Variants in ANO3 observed in about 807,000 individuals in gnomAD.
ANO3 encodes anoctamin 3.
Under a neutral mutation model 144.8 loss-of-function variants are expected in ANO3, and 99 were observed. That is an observed-to-expected ratio of 0.68 (90% CI 0.58 to 0.81). ANO3 has a LOEUF of 0.81. Ranked by LOEUF, ANO3 falls within the 30% of genes least tolerant of loss-of-function variation. The pLI, the probability that ANO3 is intolerant of heterozygous loss-of-function variation, is 0.00. For missense variants in ANO3, 905 were observed against 1,202.2 expected, an observed-to-expected ratio of 0.75 and a Z score of 3.66; for synonymous variants, 414 against 392.6, an observed-to-expected ratio of 1.05 and a Z score of -0.64.
At chr11:26,571,059 A>C (rs1850804970) in intron 14 of ANO3, among the ~76,000 whole-genome samples, 2 of 152,130 alleles carry the variant, frequency 1.3e-5, no homozygotes, top group Admixed American at 1.3e-4. Context: ...TTCTGGCTAA[A>C]AGACTTAGGC....
rs575813317 is a variant in ANO3, at chr11:26,596,017, A to T, written c.1448-2348A>T. ...AAGGCTATGGGTTGTCAGTGGTCTC[A>T]GTGTTTTGGGCTATGCCCTTGTTTA... is the stretch of plus-strand genomic sequence containing the variant. On this transcript the variant is annotated intron_variant, in intron 14 of 26. Coordinates refer to ENST00000256737, the MANE Select transcript of ANO3 (RefSeq NM_031418.4). 1.9e-4 allele frequency among the ~76,000 whole-genome samples: 29 copies of T among 152,286 alleles called. No individual in the cohort carries two copies. In the South Asian group the frequency reaches 6.0e-3, roughly 32 times the overall value.
chr11:26,385,908 T>TATATATATATATACAC (rs1310559300), intron 1 of ANO3, among the ~76,000 whole-genome samples: 3 of 149,372 alleles, frequency 2.0e-5, no homozygotes, highest in African/African-American at 5.0e-5. Flanking sequence ...TATATTTATA[T>TATATATATATATACAC]ACATATTTAC....
chr11:26,340,794 G>T (rs1009295658), intron 1 of ANO3, among the ~76,000 whole-genome samples: 1 of 152,106 alleles, frequency 6.6e-6, no homozygotes, highest in Non-Finnish European at 1.5e-5. Flanking sequence ...TTTTCCTAAC[G>T]CTATCTTCCT....
intron 14 of ANO3, chr11:26,563,393 C>CTGTGTGTGTGTGTG (rs764671965): frequency 1.6e-5 from 13 of 825,658 alleles, no homozygotes; most frequent in South Asian, 6.5e-5. Context: ...GTGTTTCTCT[C>CTGTGTGTGTGTGTG]TCTGTGTGTG....
At chr11:26,425,235 A>T (rs1170855139) in intron 1 of ANO3, among the ~76,000 whole-genome samples, 2 of 152,114 alleles carry the variant, frequency 1.3e-5, no homozygotes, top group Non-Finnish European at 2.9e-5. Flanking sequence ...AAATATTTCT[A>T]TAAAGCAGAA....
At chr11:26,279,949 G>T (rs187904110) in intron 1 of ANO3, among the ~76,000 whole-genome samples, 29 of 152,132 alleles carry the variant, frequency 1.9e-4, no homozygotes, top group African/African-American at 7.0e-4. Context: ...GTAAATCTTT[G>T]GTTCATTTCC....
At chr11:26,564,981 T>C (rs1850508609) in intron 14 of ANO3, among the ~76,000 whole-genome samples, 2 of 151,090 alleles carry the variant, frequency 1.3e-5, no homozygotes, top group South Asian at 4.2e-4. Context: ...ATATGTTCAT[T>C]GAAGCCCTAA....
chr11:26,521,127 T>G (rs1233866262), intron 6 of ANO3, among the ~76,000 whole-genome samples: 1 of 152,160 alleles, frequency 6.6e-6, no homozygotes, highest in Non-Finnish European at 1.5e-5. Context: ...AGGAATGCTA[T>G]TCAAGCATAA....
At chr11:26,532,896 T>G (rs941496276) in intron 8 of ANO3, among the ~76,000 whole-genome samples, 2 of 152,200 alleles carry the variant, frequency 1.3e-5, no homozygotes, top group African/African-American at 2.4e-5. Context: ...TACTTTTTAC[T>G]TATGCATCAG....
intron 1 of ANO3, among the ~76,000 whole-genome samples, chr11:26,416,693 T>C (rs564058341): frequency 3.6e-4 from 55 of 152,044 alleles, no homozygotes; most frequent in African/African-American, 1.3e-3. Flanking sequence ...CCAATAGTTT[T>C]AGTTTTTTCT....
chr11:26,404,386 A>G (rs776218287), intron 1 of ANO3, among the ~76,000 whole-genome samples: 28 of 151,844 alleles, frequency 1.8e-4, no homozygotes, highest in Non-Finnish European at 3.8e-4. Context: ...ACAAAGTCTA[A>G]TCACTTTGGA....
At chr11:26,520,753 C>T (rs1009629084) in intron 6 of ANO3, among the ~76,000 whole-genome samples, 2 of 152,054 alleles carry the variant, frequency 1.3e-5, no homozygotes, top group African/African-American at 4.8e-5. Context: ...ATTTCTGGAA[C>T]CTGCTCCCAG....
At chr11:26,264,151 C>A (rs765903953) in intron 1 of ANO3, among the ~76,000 whole-genome samples, 1 of 152,180 alleles carries the variant, frequency 6.6e-6, no homozygotes, top group Non-Finnish European at 1.5e-5. Context: ...GAAGATTCTG[C>A]AAGTTGTTCA....
At chr11:26,296,558 G>T (rs1854093938) in intron 1 of ANO3, among the ~76,000 whole-genome samples, 1 of 152,122 alleles carries the variant, frequency 6.6e-6, no homozygotes, top group African/African-American at 2.4e-5. Flanking sequence ...TTTACCATGA[G>T]ACTTGAATAT....
intron 1 of ANO3, among the ~76,000 whole-genome samples, chr11:26,338,940 G>A (rs1242464948): frequency 6.6e-6 from 1 of 152,186 alleles, no homozygotes; most frequent in Admixed American, 6.5e-5. Flanking sequence ...CCCACTGGAA[G>A]GAATAAATTC....
At chr11:26,487,184 C>T (rs530908016) in intron 4 of ANO3, among the ~76,000 whole-genome samples, 1 of 152,224 alleles carries the variant, frequency 6.6e-6, no homozygotes, top group African/African-American at 2.4e-5. Context: ...TGGGAGGGAC[C>T]CAAGGGGAGG....
intron 1 of ANO3, among the ~76,000 whole-genome samples, chr11:26,291,414 G>A (rs965086323): frequency 4.6e-5 from 7 of 152,038 alleles, no homozygotes; most frequent in Non-Finnish European, 1.0e-4. Context: ...TTACATTTAA[G>A]GTTAATATTG....
chr11:26,230,079 G>C (rs1320785044), intron 1 of ANO3, among the ~76,000 whole-genome samples: 1 of 152,280 alleles, frequency 6.6e-6, no homozygotes, highest in Admixed American at 6.5e-5. Context: ...GGATAGACTA[G>C]TTGCCTAAAA....
chr11:26,215,054 A>T (rs1344870448), intron 1 of ANO3, among the ~76,000 whole-genome samples: 2 of 151,990 alleles, frequency 1.3e-5, no homozygotes, highest in Non-Finnish European at 2.9e-5. Context: ...GGTACGTACT[A>T]TCAACATGAC....
Sources: allele counts gnomAD v4.1 joint callset (sites outside exome capture counted in the v4.1 genomes callset), GRCh38; gene constraint gnomAD v4.1.1; transcripts MANE v1.5; gene names NCBI Gene and HGNC (gene_info 2026-07-23, HGNC 2026-07-21).